The following ERAP1 variants were observed in gnomAD, a reference collection of about 807,000 sequenced individuals.
The protein encoded by ERAP1 is adipocyte-derived leucine aminopeptidase.
ERAP1 carries 86 observed loss-of-function variants against 103.7 expected under a neutral mutation model. The observed-to-expected ratio is 0.83, with a 90% CI of 0.70 to 0.99. The LOEUF (loss-of-function observed/expected upper bound fraction) is 0.99, where lower values mean the gene tolerates loss of function less well. ERAP1 is among the 50% of genes least tolerant of loss of function. The probability of loss-of-function intolerance (pLI) is 0.00; values close to 1 mark genes in which losing one functional copy is unlikely to be tolerated. For synonymous variants in ERAP1, 398 were observed against 402.4 expected (o/e 0.99, Z 0.13); for missense variants, 1,009 against 1,128.4 (o/e 0.89, Z 1.52).
the ERAP1 span, among the ~76,000 whole-genome samples, chr5:96,930,710 A>G: frequency 6.6e-6 from 1 of 152,236 alleles, no homozygotes; most frequent in Non-Finnish European, 1.5e-5. Flanking sequence ...AAGGAAGGTG[A>G]TCTTAAACTC....
At position 96,793,875 on chromosome 5, in the gene ERAP1, AAAC is replaced by A; in HGVS notation, c.999_1001del (p.Leu333del). 1 of 1,614,166 alleles carries A rather than the reference AAAC, an allele frequency of 6.2e-7. No homozygotes were observed. The highest frequency in any genetic ancestry group is 8.5e-7 in the Non-Finnish European group (1 of 1,179,982). On this transcript the variant is annotated inframe_deletion, in exon 6 of 19. Coordinates refer to ENST00000443439, the MANE Select transcript of ERAP1 (RefSeq NM_001040458.3). Reference sequence around the variant, plus strand: ...TTGATGCAGAAGACTTTTCTGCATCAAACAACAGAGCAGATTCTCTATATGTTG... The same window carrying A: ...TTGATGCAGAAGACTTTTCTGCATCAAACAGAGCAGATTCTCTATATGTTG...
chr5:96,811,027 C>T (rs1051077475), upstream of ERAP1, among the ~76,000 whole-genome samples: 2 of 152,124 alleles, frequency 1.3e-5, no homozygotes, highest in South Asian at 2.1e-4. Flanking sequence ...GCTATCCGGC[C>T]CTTCCACACA....
rs780912667 is a variant in ERAP1, at chr5:96,790,538, C to T, written c.1426G>A (p.Glu476Lys). ...CTTGCCATACTATCCCACAGGTCCTCGTTTTTTGTATTTTTATAGCTATGC... is the reference window on the plus strand; with the variant it reads ...CTTGCCATACTATCCCACAGGTCCTTGTTTTTTGTATTTTTATAGCTATGC... Reference protein sequence around the residue: ...QKHSYKNTKNEDLWDSMASIC... With the variant: ...QKHSYKNTKNKDLWDSMASIC... The change falls in exon 9 of 19, where the codon GAG becomes AAG. Residue 476 changes from glutamate to lysine, a missense_variant. Physicochemically the swap from Glu to Lys is moderately conservative, Grantham distance 56. Coordinates refer to ENST00000443439, the MANE Select transcript of ERAP1 (RefSeq NM_001040458.3). The T allele has an allele frequency of 6.8e-6, 11 of 1,613,816 alleles. No individual in the cohort carries two copies. The highest frequency in any genetic ancestry group is 1.3e-5 in the African/African-American group (1 of 74,910).
chr5:96,901,376 C>A, the ERAP1 span: 1 of 1,010,686 alleles, frequency 9.9e-7, no homozygotes, highest in Non-Finnish European at 1.5e-6. Flanking sequence ...TTACCCTTCC[C>A]TGAGATACCA....
chr5:96,866,059 A>G, the ERAP1 span, among the ~76,000 whole-genome samples: 1 of 152,224 alleles, frequency 6.6e-6, no homozygotes, highest in South Asian at 2.1e-4. Context: ...TAACATTACT[A>G]TTCTATGTAT....
intron 1 of ERAP1, 82 bp from the exon 2 acceptor site, chr5:96,804,025 C>T (rs988231187): frequency 1.4e-6 from 2 of 1,479,750 alleles, no homozygotes; most frequent in African/African-American, 2.8e-5. Flanking sequence ...TGTATCCACC[C>T]AGCATTCACA....
exon 20 of ERAP1, chr5:96,763,009 C>G: frequency 3.0e-6 from 2 of 663,690 alleles, no homozygotes; most frequent in South Asian, 3.3e-5. Flanking sequence ...TATACATTAC[C>G]AAGGAGACCA....
the ERAP1 span, among the ~76,000 whole-genome samples, chr5:96,875,748 T>A: frequency 6.6e-6 from 1 of 152,252 alleles, no homozygotes; most frequent in East Asian, 1.9e-4. Flanking sequence ...ATCCATGTAC[T>A]GTTGGTCCAT....
rs574810839 is a variant in ERAP1 at position 96,793,928 on chromosome 5, C to T, written c.949G>A (p.Gly317Ser). Residue 317 changes from glycine to serine, a missense_variant, in exon 6 of 19, where the codon GGT (glycine) becomes AGT (serine). Around this residue, in one of 3 missense-constraint regions of ERAP1, gnomAD observed 392 missense variants for 455.2 expected, o/e 0.86. Coordinates refer to ENST00000443439, the MANE Select transcript of ERAP1 (RefSeq NM_001040458.3). ...GTCAGTCCCCAGTTTTCCATAGCAC[C>T]AGACTGAAAGTCGGGAATAGCAGCA... The part of the protein sequence containing the change: ...DLAAIPDFQS[G>S]AMENWGLTTY... 1.7e-5 allele frequency: 27 copies of T among 1,614,136 alleles called. No homozygotes were observed. In the South Asian group the frequency reaches 2.9e-4, roughly 17 times the overall value.
intron 19 of ERAP1, chr5:96,765,932 A>G (rs1378562703): frequency 1.4e-5 from 9 of 628,006 alleles, no homozygotes; most frequent in Non-Finnish European, 1.7e-5. Context: ...TAAAAAATAA[A>G]AACAGACCAT....
At chr5:96,790,784 G>A (rs1776646773) in intron 8 of ERAP1, 141 bp from the exon 9 acceptor site, 1 of 763,918 alleles carries the variant, frequency 1.3e-6, no homozygotes, top group Non-Finnish European at 2.2e-6. Context: ...TTGTGAAACA[G>A]AGTAAGCAGG....
chr5:96,863,565 T>C, the ERAP1 span, among the ~76,000 whole-genome samples: 4 of 152,184 alleles, frequency 2.6e-5, no homozygotes, highest in Admixed American at 2.6e-4. Context: ...TGTCTTTTCT[T>C]TTTCTTGTTC....
At position 96,785,924 on chromosome 5, in the gene ERAP1, C is replaced by T. The variant is rs189721036; in HGVS notation, c.1807G>A (p.Gly603Ser). 5.6e-6 allele frequency: 9 copies of T among 1,613,964 alleles called. No individual in the cohort carries two copies. The Admixed American group carries it at 1.3e-4, about 24-fold the overall frequency. ...EEVEWIKFNV[G>S]MNGYYIVHYE... ...TGCACAATGTAATAGCCATTCATGC[C>T]CACATTAAATTTGATCCATTCCACC... is the stretch of plus-strand genomic sequence containing the variant. Residue 603 changes from glycine (G) to serine (S), a missense_variant, in exon 13 of 19, where the codon GGC becomes AGC. Coordinates refer to ENST00000443439, the MANE Select transcript of ERAP1 (RefSeq NM_001040458.3).
In ERAP1 at chr5:96,776,382, C is replaced by A. The variant is rs764971052; in HGVS notation, c.*14G>T. Reference sequence around the variant, plus strand: ...GTGATTAGAGATAACAGGAACCTGGCAAGGGAGGAATTTTTACATACGTTC... The same window carrying A: ...GTGATTAGAGATAACAGGAACCTGGAAAGGGAGGAATTTTTACATACGTTC... On this transcript the variant is annotated 3_prime_UTR_variant, in exon 19 of 19. Coordinates refer to ENST00000443439, the MANE Select transcript of ERAP1 (RefSeq NM_001040458.3). 3 of 1,601,328 alleles carry A rather than the reference C, an allele frequency of 1.9e-6. No individual in the cohort carries two copies. The African/African-American group carries it at 4.0e-5, about 22-fold the overall frequency.
chr5:96,823,266 A>G, the ERAP1 span: 1 of 394,654 alleles, frequency 2.5e-6, no homozygotes, highest in Non-Finnish European at 5.1e-6. Context: ...CCTGCAGTCA[A>G]GAGGAGGGGA....
the ERAP1 span, chr5:96,912,610 TC>T: frequency 1.8e-5 from 29 of 1,568,160 alleles, no homozygotes; most frequent in Non-Finnish European, 2.5e-5. Flanking sequence ...TAAAACTTTT[TC>T]TTCATTTTTA....
intron 2 of ERAP1, among the ~76,000 whole-genome samples, chr5:96,801,854 CAAAAAAAAA>C (rs59332218): frequency 1.8e-4 from 10 of 54,680 alleles, no homozygotes; most frequent in African/African-American, 9.3e-4. Context: ...TCCGTCTCGA[CAAAAAAAAA>C]AAAAAAAAAA....
chr5:96,781,970 G>A, intron 15 of ERAP1, 116 bp from the exon 16 acceptor site: 1 of 997,436 alleles, frequency 1.0e-6, no homozygotes, highest in Non-Finnish European at 1.5e-6. Flanking sequence ...AGCATGCCTG[G>A]AAATATAAAC....
chr5:96,781,924 A>G (rs977294322), intron 15 of ERAP1, 70 bp from the exon 16 acceptor site: 23 of 1,455,352 alleles, frequency 1.6e-5, no homozygotes, highest in African/African-American at 7.0e-5. Context: ...AATGGTGACT[A>G]ACTATGAACT....
Sources: gnomAD v4.1 joint callset for allele counts (sites outside exome capture counted in the v4.1 genomes callset) on GRCh38, gnomAD v4.1.1 for gene constraint, gnomAD v4.1.1 regional missense constraint, MANE v1.5 for transcripts, NCBI Gene and HGNC (gene_info 2026-07-23, HGNC 2026-07-21) for gene names.